Variants in LRRTM4 observed in about 807,000 individuals in gnomAD.
LRRTM4 encodes leucine-rich repeat transmembrane neuronal protein 4.
LRRTM4 carries 25 observed loss-of-function variants against 47.6 expected under a neutral mutation model. The observed-to-expected ratio is 0.53, with a 90% CI of 0.38 to 0.73. The LOEUF is 0.73. LRRTM4 is among the 30% of genes least tolerant of loss of function. The probability of loss-of-function intolerance (pLI) is 0.00; values close to 1 mark genes in which losing one functional copy is unlikely to be tolerated. For synonymous variants in LRRTM4, 311 were observed against 269.5 expected, an observed-to-expected ratio of 1.15 and a Z score of -1.51; for missense variants, 638 against 713.4, an observed-to-expected ratio of 0.89 and a Z score of 1.20.
intron 3 of LRRTM4, among the ~76,000 whole-genome samples, chr2:76,766,158 C>A (rs549575668): frequency 1.1e-4 from 17 of 152,246 alleles, no homozygotes; most frequent in Middle Eastern, 3.4e-3. Context: ...TCTTGAACAT[C>A]TTCCTTCTTT....
At chr2:77,006,395 T>A (rs568775181) in intron 3 of LRRTM4, among the ~76,000 whole-genome samples, 2 of 152,288 alleles carry the variant, frequency 1.3e-5, no homozygotes, top group African/African-American at 4.8e-5. Flanking sequence ...ATGGTGGAAA[T>A]TGGTTGAGAA....
intron 3 of LRRTM4, among the ~76,000 whole-genome samples, chr2:77,138,105 C>G (rs1672003673): frequency 6.6e-6 from 1 of 152,172 alleles, no homozygotes; most frequent in Admixed American, 6.5e-5. Flanking sequence ...GAATTGAATT[C>G]AGCTCTGCAC....
At chr2:77,114,896 A>G (rs1671345840) in intron 3 of LRRTM4, among the ~76,000 whole-genome samples, 1 of 152,160 alleles carries the variant, frequency 6.6e-6, no homozygotes, top group Admixed American at 6.5e-5. Flanking sequence ...ATGAGGGTCT[A>G]TGTCCCGCTG....
At chr2:77,357,458 A>G (rs571289023) in intron 3 of LRRTM4, among the ~76,000 whole-genome samples, 12 of 152,296 alleles carry the variant, frequency 7.9e-5, no homozygotes, top group African/African-American at 2.9e-4. Flanking sequence ...TCCTTCCCCA[A>G]TATTCCTGGT....
chr2:76,900,434 T>C (rs992217364), intron 3 of LRRTM4, among the ~76,000 whole-genome samples: 11 of 152,142 alleles, frequency 7.2e-5, no homozygotes, highest in African/African-American at 2.4e-4. Context: ...TTCAAACCAA[T>C]AGTCATTGCT....
chr2:77,498,525 A>G (rs1313566673), intron 3 of LRRTM4, among the ~76,000 whole-genome samples: 14 of 151,904 alleles, frequency 9.2e-5, no homozygotes. Context: ...TCCCATACAC[A>G]TAATAGGCAA....
chr2:77,189,019 G>A (rs1433003940), intron 3 of LRRTM4, among the ~76,000 whole-genome samples: 15 of 152,038 alleles, frequency 9.9e-5, no homozygotes, highest in Non-Finnish European at 2.2e-4. Context: ...ATTTTAAACA[G>A]CTAATAAGTG....
intron 3 of LRRTM4, among the ~76,000 whole-genome samples, chr2:76,919,946 A>G (rs557432526): frequency 6.6e-6 from 1 of 152,216 alleles, no homozygotes; most frequent in Admixed American, 6.5e-5. Context: ...ATCGGAAGAC[A>G]TTCTCATAAT....
chr2:77,361,067 T>C lies in LRRTM4; in HGVS notation c.1551+157251A>G, dbSNP rs1272021189. Among the ~76,000 whole-genome samples the C allele has an allele frequency of 3.3e-5, 5 of 152,044 alleles. No homozygotes were observed. The East Asian group carries it at 9.7e-4, about 29-fold the overall frequency. ...ACCATCTTATTACAGCCTCATAAAA[T>C]TACCAATTTTATCTGGATTCTAAGC... On this transcript the variant is annotated intron_variant, in intron 3 of 3. Coordinates refer to ENST00000409884, the MANE Select transcript of LRRTM4 (RefSeq NM_001134745.3).
Position 77,162,944 on chromosome 2 carries a change from C to A in LRRTM4, c.1551+355374G>T, listed in dbSNP as rs569807054. Among the ~76,000 whole-genome samples, 7 of 152,232 alleles carry A rather than the reference C, an allele frequency of 4.6e-5. No individual in the cohort carries two copies. In the South Asian group the frequency reaches 1.5e-3, roughly 32 times the overall value. On this transcript the variant is annotated intron_variant, in intron 3 of 3. Transcript: ENST00000409884. Reference sequence around the variant, plus strand: ...CCTCCAAAGGAATGCAGCTCCTCACCAGCAACAGAACAAAGCTGGAAGGAG... The same window carrying A: ...CCTCCAAAGGAATGCAGCTCCTCACAAGCAACAGAACAAAGCTGGAAGGAG...
At chr2:76,923,859 A>C (rs772337875) in intron 3 of LRRTM4, among the ~76,000 whole-genome samples, 6 of 152,108 alleles carry the variant, frequency 3.9e-5, no homozygotes, top group Non-Finnish European at 8.8e-5. Flanking sequence ...TAGGGTCACA[A>C]ATCATTATCT....
intron 3 of LRRTM4, among the ~76,000 whole-genome samples, chr2:77,065,207 T>C (rs1468739779): frequency 6.6e-6 from 1 of 152,192 alleles, no homozygotes; most frequent in East Asian, 1.9e-4. Context: ...ATTTGCCTGT[T>C]GCTAATTAGG....
rs150140236 is a variant in LRRTM4 at position 76,949,710 on chromosome 2, T to C, written c.1552-200794A>G. On this transcript the variant is annotated intron_variant, in intron 3 of 3. Transcript: ENST00000409884. ...ATCTGTAAAATGTGTTACTTCTCTG[T>C]AATTATAATTTACTCCCACCTAACA... 3.3e-3 allele frequency among the ~76,000 whole-genome samples: 498 copies of C among 152,132 alleles called. 4 individuals are homozygous for C. Among genetic ancestry groups the C allele is most frequent in the African/African-American group, 0.011 (471 of 41,550 alleles).
Position 77,164,018 on chromosome 2 carries a change from T to C in LRRTM4, c.1551+354300A>G, listed in dbSNP as rs563538216. ...CAATCAAAAGACACAGACTGGCAAA[T>C]TGGATAAGCAGTCAACACCCATCAG... On this transcript the variant is annotated intron_variant, in intron 3 of 3. Coordinates refer to ENST00000409884, the MANE Select transcript of LRRTM4 (RefSeq NM_001134745.3). Among the ~76,000 whole-genome samples the C allele has an allele frequency of 1.2e-3, 175 of 152,154 alleles. 1 individual carries two copies. Among genetic ancestry groups the C allele is most frequent in the African/African-American group, 3.9e-3 (161 of 41,522 alleles).
chr2:76,810,238 G>T (rs1670693186), intron 3 of LRRTM4, among the ~76,000 whole-genome samples: 1 of 152,056 alleles, frequency 6.6e-6, no homozygotes, highest in African/African-American at 2.4e-5. Context: ...TCTTGTAAGT[G>T]ACAATTCCAA....
chr2:77,472,019 A>G (rs1677208532), intron 3 of LRRTM4, among the ~76,000 whole-genome samples: 1 of 152,174 alleles, frequency 6.6e-6, no homozygotes, highest in African/African-American at 2.4e-5. Context: ...CCTTCGGGGC[A>G]CCAGCTGAGA....
chr2:77,248,061 A>G (rs1558652233), intron 3 of LRRTM4, among the ~76,000 whole-genome samples: 1 of 150,898 alleles, frequency 6.6e-6, no homozygotes, highest in Non-Finnish European at 1.5e-5. Context: ...TATAACCTGT[A>G]AAAATTACTG....
At chr2:77,400,756 C>A (rs1302294097) in intron 3 of LRRTM4, among the ~76,000 whole-genome samples, 1 of 151,760 alleles carries the variant, frequency 6.6e-6, no homozygotes, top group African/African-American at 2.4e-5. Flanking sequence ...TCTTCCTGAT[C>A]CTAGAACACA....
intron 3 of LRRTM4, among the ~76,000 whole-genome samples, chr2:77,361,985 A>C (rs1672232390): frequency 6.6e-6 from 1 of 151,946 alleles, no homozygotes; most frequent in Admixed American, 6.6e-5. Context: ...TTCAGTCAGG[A>C]GGCTGAGGCA....
Sources: gnomAD v4.1 joint callset for allele counts (sites outside exome capture counted in the v4.1 genomes callset) on GRCh38, gnomAD v4.1.1 for gene constraint, MANE v1.5 for transcripts, NCBI Gene and HGNC (gene_info 2026-07-23, HGNC 2026-07-21) for gene names.